Variants in CRTAC1 observed in about 807,000 individuals in gnomAD.
CRTAC1 encodes the protein cartilage acidic protein 1.
A neutral mutation model predicts 67.8 loss-of-function variants in CRTAC1; 37 were observed. The ratio of observed to expected loss-of-function variants is 0.55; its 90% CI spans 0.42 to 0.72. The LOEUF is 0.72. CRTAC1 is among the 30% of genes least tolerant of loss of function. The pLI, the probability that CRTAC1 is intolerant of heterozygous loss-of-function variation, is 0.00. For missense variants in CRTAC1, 780 were observed against 931.6 expected (o/e 0.84, Z 2.12); for synonymous variants, 348 against 371.0 (o/e 0.94, Z 0.71).
At chr10:97,981,982 C>T (rs2051899233) in intron 2 of CRTAC1, among the ~76,000 whole-genome samples, 4 of 152,204 alleles carry the variant, frequency 2.6e-5, no homozygotes, top group Admixed American at 2.6e-4. Flanking sequence ...ACTGCACCTA[C>T]CACATTACAG....
intron 2 of CRTAC1, among the ~76,000 whole-genome samples, chr10:97,957,772 T>G (rs564621622): frequency 5.2e-4 from 79 of 152,082 alleles, no homozygotes; most frequent in Non-Finnish European, 7.5e-4. Flanking sequence ...CAATGGACCC[T>G]CCATCCCCAG....
intron 2 of CRTAC1, among the ~76,000 whole-genome samples, chr10:98,010,636 G>A (rs1297521605): frequency 6.6e-6 from 1 of 152,118 alleles, no homozygotes; most frequent in Non-Finnish European, 1.5e-5. Flanking sequence ...CGGAGGTTTA[G>A]CTAACCCTCT....
chr10:97,880,313 C>A lies in CRTAC1; in HGVS notation c.1755G>T (p.Arg585Ser). The change falls in exon 14 of 15, where the codon AGG becomes AGT. Residue 585 changes from arginine to serine, a missense_variant. Arg to Ser is a moderately radical substitution (Grantham distance 110, BLOSUM62 -1). Coordinates refer to ENST00000370597, the MANE Select transcript of CRTAC1 (RefSeq NM_018058.7). ...GACTGCACTTCTTGTTGGTCCGGCA[C>A]CTGTAGCTTCCATAGGTGTTGACAC... ...PVCVNTYGSYRCRTNKKCSRG... is the reference protein window; with the variant it reads ...PVCVNTYGSYSCRTNKKCSRG... 12 of 1,614,214 alleles carry A rather than the reference C, an allele frequency of 7.4e-6. No individual in the cohort carries two copies. The highest frequency in any genetic ancestry group is 1.0e-5 in the Non-Finnish European group (12 of 1,180,032).
chr10:97,987,891 T>G (rs1164435599), intron 2 of CRTAC1, among the ~76,000 whole-genome samples: 1 of 152,118 alleles, frequency 6.6e-6, no homozygotes, highest in African/African-American at 2.4e-5. Flanking sequence ...CTACCCCCTT[T>G]CCCAACCACA....
chr10:98,023,225 T>C (rs1032236850), intron 1 of CRTAC1, among the ~76,000 whole-genome samples: 2 of 152,172 alleles, frequency 1.3e-5, no homozygotes, highest in South Asian at 2.1e-4. Context: ...CACCATCTCA[T>C]GGAGTGGGCC....
Position 97,889,460 on chromosome 10 carries a change from G to GGC in CRTAC1, c.1487-5110_1487-5109insGC, listed in dbSNP as rs1554913319. Among the ~76,000 whole-genome samples, 126 of 150,008 alleles carry GGC rather than the reference G, an allele frequency of 8.4e-4. No individual in the cohort carries two copies. In the South Asian group the frequency reaches 0.014, roughly 17 times the overall value. ...AGGGGCTGTGGAACTTGGTGGGGGG[G>GGC]GGTCCACTGAGCAAGGCAGGGTCCA... On this transcript the variant is annotated intron_variant, in intron 11 of 14. Coordinates refer to ENST00000370597, the MANE Select transcript of CRTAC1 (RefSeq NM_018058.7).
At chr10:97,967,146 T>C (rs1329684052) in intron 2 of CRTAC1, among the ~76,000 whole-genome samples, 2 of 152,250 alleles carry the variant, frequency 1.3e-5, no homozygotes, top group East Asian at 3.8e-4. Context: ...CTATTCTCCC[T>C]CATTTATTTA....
At chr10:97,925,814 G>A (rs866066243) in intron 3 of CRTAC1, among the ~76,000 whole-genome samples, 5 of 152,216 alleles carry the variant, frequency 3.3e-5, no homozygotes, top group South Asian at 2.1e-4. Context: ...GGAAGTGAGC[G>A]GATGAGCGTG....
intron 1 of CRTAC1, among the ~76,000 whole-genome samples, chr10:98,021,761 C>T (rs1358557291): frequency 6.6e-6 from 1 of 152,082 alleles, no homozygotes; most frequent in Non-Finnish European, 1.5e-5. Flanking sequence ...GCTCCCCTTC[C>T]AGGAGTAGTT....
chr10:98,020,274 G>A (rs150166144), intron 1 of CRTAC1, among the ~76,000 whole-genome samples: 17 of 152,158 alleles, frequency 1.1e-4, no homozygotes, highest in African/African-American at 4.1e-4. Context: ...TGCATAGCAA[G>A]TACTATACGA....
chr10:97,928,366 T>G (rs2050953814), intron 3 of CRTAC1, among the ~76,000 whole-genome samples: 1 of 152,134 alleles, frequency 6.6e-6, no homozygotes, highest in Non-Finnish European at 1.5e-5. Flanking sequence ...GACTAGGGGC[T>G]TTTAGAGTCC....
chr10:97,993,304 A>G lies in CRTAC1; in HGVS notation c.224+17834T>C, dbSNP rs866429609. On this transcript the variant is annotated intron_variant, in intron 2 of 14. Transcript: ENST00000370597. ...AACCCATAGAGCAGTTTTTCATCAT[A>G]GAAAAGTTCCACAGAGGGTGAAAGC... 2.4e-4 allele frequency among the ~76,000 whole-genome samples: 37 copies of G among 152,366 alleles called. No homozygotes were observed. In the South Asian group the frequency reaches 2.9e-3, roughly 12 times the overall value.
chr10:97,948,540 C>G (rs2051300303), intron 2 of CRTAC1, among the ~76,000 whole-genome samples: 1 of 152,094 alleles, frequency 6.6e-6, no homozygotes, highest in Non-Finnish European at 1.5e-5. Flanking sequence ...GAGGAAAAGA[C>G]CTAGGAGAGG....
At chr10:98,004,408 C>T (rs1456826030) in intron 2 of CRTAC1, among the ~76,000 whole-genome samples, 1 of 152,220 alleles carries the variant, frequency 6.6e-6, no homozygotes, top group Non-Finnish European at 1.5e-5. Context: ...CATGGCTGTA[C>T]ACACAGTAGG....
chr10:97,896,837 TC>T, intron 9 of CRTAC1, 71 bp downstream of exon 9: 1 of 284,628 alleles, frequency 3.5e-6, no homozygotes. Context: ...GCCCCGTCCC[TC>T]CCGCCCTCAC....
At chr10:97,874,762 C>T (rs2050127874) in intron 14 of CRTAC1, among the ~76,000 whole-genome samples, 1 of 152,104 alleles carries the variant, frequency 6.6e-6, no homozygotes, top group Non-Finnish European at 1.5e-5. Context: ...TCAAAGACAC[C>T]TTACCTACTT....
intron 2 of CRTAC1, among the ~76,000 whole-genome samples, chr10:97,997,602 G>A (rs896722029): frequency 1.4e-4 from 21 of 151,956 alleles, no homozygotes; most frequent in African/African-American, 2.9e-4. Context: ...CAAGGACTGC[G>A]GATATTAGAA....
intron 3 of CRTAC1, among the ~76,000 whole-genome samples, chr10:97,926,576 C>A (rs1165194082): frequency 6.6e-6 from 1 of 152,038 alleles, no homozygotes. Context: ...TACATAACAC[C>A]CCCAGCAGGG....
At position 97,908,097 on chromosome 10, in the gene CRTAC1, T is replaced by C; in HGVS notation, c.766A>G (p.Ile256Val). Reference protein sequence around the residue: ...GPILSSSASDIFCDNENGPNF... With the variant: ...GPILSSSASDVFCDNENGPNF... ...GGCCCATTCTCATTGTCGCAGAAGA[T>C]ATCCGAGGCACTGCTGCTGAGGATG... The change falls in exon 6 of 15, where the codon ATC becomes GTC. Residue 256 changes from isoleucine (I) to valine (V), a missense_variant. Coordinates refer to ENST00000370597, the MANE Select transcript of CRTAC1 (RefSeq NM_018058.7). The C allele has an allele frequency of 6.2e-7, 1 of 1,614,164 alleles. No homozygotes were observed.
Sources: allele counts gnomAD v4.1 joint callset (sites outside exome capture counted in the v4.1 genomes callset), GRCh38; gene constraint gnomAD v4.1.1; transcripts MANE v1.5; gene names NCBI Gene and HGNC (gene_info 2026-07-23, HGNC 2026-07-21).